The following TMEM132E variants were observed in gnomAD, a reference collection of about 807,000 sequenced individuals.
TMEM132E encodes the protein transmembrane protein 132E.
A neutral mutation model predicts 78.5 loss-of-function variants in TMEM132E; 49 were observed. That is an observed-to-expected ratio of 0.62 (90% CI 0.50 to 0.79). The LOEUF (loss-of-function observed/expected upper bound fraction) is 0.79. Among genes scored for constraint, TMEM132E ranks in the 30% least tolerant of loss-of-function variants. TMEM132E has a pLI of 0.00. For missense variants in TMEM132E, 1,403 were observed against 1,470.9 expected (o/e 0.95, Z 0.75); for synonymous variants, 715 against 670.6 (o/e 1.07, Z -1.02).
chr17:34,637,107 CCAGGATCTAG>C, intron 8 of TMEM132E, 60 bp from the exon 9 acceptor site: 1 of 1,414,728 alleles, frequency 7.1e-7, no homozygotes. Context: ...CCTACAGAGC[CCAGGATCTAG>C]CAGGAAGCCA....
intron 8 of TMEM132E, 134 bp downstream of exon 8, chr17:34,636,332 C>T (rs1204713257): frequency 2.2e-6 from 2 of 907,350 alleles, no homozygotes; most frequent in Non-Finnish European, 3.0e-6. Flanking sequence ...CCTCCATGCC[C>T]TGCACAACTG....
chr17:34,606,099 T>G (rs1597681840), intron 1 of TMEM132E, among the ~76,000 whole-genome samples: 1 of 152,072 alleles, frequency 6.6e-6, no homozygotes, highest in Non-Finnish European at 1.5e-5. Context: ...AATCCTAGCA[T>G]TTTGGGAGGC....
chr17:34,615,524 T>TGG (rs1408022356), intron 1 of TMEM132E, among the ~76,000 whole-genome samples: 1 of 142,832 alleles, frequency 7.0e-6, no homozygotes, highest in Non-Finnish European at 1.5e-5. Context: ...CAGATGTGTG[T>TGG]GTGTGTGTGT....
chr17:34,637,154 C>A (rs760042691), intron 8 of TMEM132E, 23 bp from the exon 9 acceptor site: 65 of 1,575,426 alleles, frequency 4.1e-5, no homozygotes, highest in Admixed American at 1.5e-4. Context: ...GACTCCTATC[C>A]CCTCCTTCTC....
intron 1 of TMEM132E, among the ~76,000 whole-genome samples, chr17:34,619,276 C>G (rs896673239): frequency 6.6e-6 from 1 of 151,232 alleles, no homozygotes; most frequent in African/African-American, 2.4e-5. Flanking sequence ...GGGTACTTGT[C>G]ATCATTAACT....
At chr17:34,614,122 A>G (rs1292429287) in intron 1 of TMEM132E, among the ~76,000 whole-genome samples, 1 of 152,256 alleles carries the variant, frequency 6.6e-6, no homozygotes, top group Admixed American at 6.5e-5. Flanking sequence ...TGGAGCAGGT[A>G]GCCCTCTGTT....
intron 6 of TMEM132E, 103 bp downstream of exon 6, chr17:34,633,012 T>A (rs549689071): frequency 1.5e-6 from 2 of 1,292,968 alleles, no homozygotes; most frequent in Non-Finnish European, 2.2e-6. Flanking sequence ...TTGGTATACA[T>A]AGTCTGTAGG....
rs145571491 is a variant in TMEM132E, at chr17:34,580,528, T to G, written c.-549T>G. Reference sequence around the variant, plus strand: ...TCCAGATGGATTAAAGTTGTCTGGATTTTCTCTTTCTTTGAGAAAGACAGC... The same window carrying G: ...TCCAGATGGATTAAAGTTGTCTGGAGTTTCTCTTTCTTTGAGAAAGACAGC... On this transcript the variant is annotated 5_prime_UTR_variant, in exon 1 of 9. Coordinates refer to ENST00000631683, the MANE Select transcript of TMEM132E (RefSeq NM_001304438.2). 6.6e-6 allele frequency: 1 copy of G among 152,552 alleles called. No homozygotes were observed. The highest frequency in any genetic ancestry group is 2.4e-5 in the African/African-American group (1 of 41,604). The allele number at this position is 152,552 out of a possible 1,614,324, so 9.4% of individuals were successfully genotyped here. A position where few individuals can be genotyped will look rare whatever the true frequency, so the allele number is the denominator to read the frequency against.
Position 34,580,955 on chromosome 17 carries a change from G to T in TMEM132E, c.-122G>T. On this transcript the variant is annotated 5_prime_UTR_variant, in exon 1 of 9. Coordinates refer to ENST00000631683, the MANE Select transcript of TMEM132E (RefSeq NM_001304438.2). ...CCCCGAATTGCACTCTCTGGTCCCG[G>T]AGCTGCATCTGAGACAGCCGGGCGC... 1 of 686,448 alleles carries T rather than the reference G, an allele frequency of 1.5e-6. No homozygotes were observed. Among genetic ancestry groups the T allele is most frequent in the South Asian group, 2.2e-5 (1 of 44,732 alleles). 42.5% of individuals were successfully genotyped at this position (686,448 alleles called of 1,614,324 possible).
In TMEM132E at chr17:34,589,914, G is replaced by A. The variant is rs570113522; in HGVS notation, c.67+8771G>A. On this transcript the variant is annotated intron_variant, in intron 1 of 8. Transcript: ENST00000631683. Reference sequence around the variant, plus strand: ...TATTGGATTGGAAATAGGAAAAATGGCCATTTTCTCAGCTGCCAACACAGC... The same window carrying A: ...TATTGGATTGGAAATAGGAAAAATGACCATTTTCTCAGCTGCCAACACAGC... 2.4e-4 allele frequency among the ~76,000 whole-genome samples: 36 copies of A among 152,296 alleles called. No individual in the cohort carries two copies. In the East Asian group the frequency reaches 4.1e-3, roughly 17 times the overall value.
rs184447756 is a variant in TMEM132E at position 34,609,664 on chromosome 17, C to G, written c.68-16463C>G. Among the ~76,000 whole-genome samples, 9 of 152,284 alleles carry G rather than the reference C, an allele frequency of 5.9e-5. No individual in the cohort carries two copies. In the South Asian group the frequency reaches 8.3e-4, roughly 14 times the overall value. The stretch of plus-strand genomic sequence containing the variant: ...GGTCTCATTCCCCTGCTCAAGAACC[C>G]TAAAGGCTCCCTATTGCTCATGCCG... On this transcript the variant is annotated intron_variant, in intron 1 of 8. Transcript: ENST00000631683.
At chr17:34,585,407 C>G (rs182078219) in intron 1 of TMEM132E, among the ~76,000 whole-genome samples, 1 of 152,352 alleles carries the variant, frequency 6.6e-6, no homozygotes, top group East Asian at 1.9e-4. Flanking sequence ...ACTCCCACCA[C>G]TGGGGTCTGG....
At position 34,615,458 on chromosome 17, in the gene TMEM132E, G is replaced by C. The variant is rs541026947; in HGVS notation, c.68-10669G>C. Among the ~76,000 whole-genome samples the C allele has an allele frequency of 5.9e-5, 9 of 151,902 alleles. No individual in the cohort carries two copies. The South Asian group carries it at 1.9e-3, about 32-fold the overall frequency. On this transcript the variant is annotated intron_variant, in intron 1 of 8. Transcript: ENST00000631683. ...GGGAGCAAAAGGAGTGGCCAGTTTA[G>C]GATAGATGTCCCAGGATGGGGTACA...
chr17:34,621,346 C>T (rs1241843219), intron 1 of TMEM132E, among the ~76,000 whole-genome samples: 1 of 152,182 alleles, frequency 6.6e-6, no homozygotes, highest in Non-Finnish European at 1.5e-5. Context: ...ACTGTGTCTT[C>T]ACAACTTCTC....
Position 34,606,375 on chromosome 17 carries a change from T to C in TMEM132E, c.68-19752T>C, listed in dbSNP as rs148762793. On this transcript the variant is annotated intron_variant, in intron 1 of 8. Coordinates refer to ENST00000631683, the MANE Select transcript of TMEM132E (RefSeq NM_001304438.2). ...AAAATAAATAAACAAAAATAAAAGATTGAGACTGATAGTTCAGTCTACTAC... is the reference window on the plus strand; with the variant it reads ...AAAATAAATAAACAAAAATAAAAGACTGAGACTGATAGTTCAGTCTACTAC... Among the ~76,000 whole-genome samples, 921 of 152,152 alleles carry C rather than the reference T, an allele frequency of 6.1e-3. 7 individuals carry two copies. The highest frequency in any genetic ancestry group is 7.7e-3 in the Non-Finnish European group (524 of 67,992).
At chr17:34,611,522 A>G (rs1906593318) in intron 1 of TMEM132E, among the ~76,000 whole-genome samples, 1 of 152,170 alleles carries the variant, frequency 6.6e-6, no homozygotes, top group Non-Finnish European at 1.5e-5. Flanking sequence ...GACAACTGTC[A>G]ATCAATCAAT....
Position 34,638,342 on chromosome 17 carries a change from T to G in TMEM132E, c.*110T>G, listed in dbSNP as rs1907619522. ...ACTCTGGGCGGCTGAATTGATTTTGTACTCCCTGCCCCTGCAGCTTGGCTC... is the reference window on the plus strand; with the variant it reads ...ACTCTGGGCGGCTGAATTGATTTTGGACTCCCTGCCCCTGCAGCTTGGCTC... On this transcript the variant is annotated 3_prime_UTR_variant, in exon 9 of 9. Coordinates refer to ENST00000631683, the MANE Select transcript of TMEM132E (RefSeq NM_001304438.2). 8.4e-7 allele frequency: 1 copy of G among 1,197,580 alleles called. No homozygotes were observed. Among genetic ancestry groups the G allele is most frequent in the Non-Finnish European group, 1.1e-6 (1 of 878,034 alleles). The allele number at this position is 1,197,580 out of a possible 1,614,324, so 74.2% of individuals were successfully genotyped here.
chr17:34,610,306 G>A (rs2056852441), intron 1 of TMEM132E, among the ~76,000 whole-genome samples: 1 of 152,212 alleles, frequency 6.6e-6, no homozygotes, highest in African/African-American at 2.4e-5. Context: ...AGAAGGGGCT[G>A]AATAAATATT....
intron 1 of TMEM132E, among the ~76,000 whole-genome samples, chr17:34,610,513 A>C (rs541102230): frequency 5.3e-5 from 8 of 152,330 alleles, no homozygotes; most frequent in African/African-American, 1.9e-4. Flanking sequence ...ATCCTGCTTA[A>C]CCCACCCTTG....
Sources: allele counts gnomAD v4.1 joint callset (sites outside exome capture counted in the v4.1 genomes callset), GRCh38; gene constraint gnomAD v4.1.1; transcripts MANE v1.5; gene names NCBI Gene and HGNC (gene_info 2026-07-23, HGNC 2026-07-21).